Variants in PCDHGA11 observed in about 807,000 individuals in gnomAD.
PCDHGA11 encodes the protein protocadherin gamma-A11.
A neutral mutation model predicts 60.4 loss-of-function variants in PCDHGA11; 39 were observed. The ratio of observed to expected loss-of-function variants is 0.65; its 90% CI spans 0.50 to 0.84. The LOEUF (loss-of-function observed/expected upper bound fraction) is 0.84. Among genes scored for constraint, PCDHGA11 ranks in the 40% least tolerant of loss-of-function variants. The pLI is 0.00. For missense variants in PCDHGA11, 1,165 were observed against 1,197.7 expected (o/e 0.97, Z 0.40); for synonymous variants, 533 against 510.3 (o/e 1.04, Z -0.60).
At chr5:141,459,693 C>A (rs1014443574) in intron 1 of PCDHGA11, among the ~76,000 whole-genome samples, 1 of 152,210 alleles carries the variant, frequency 6.6e-6, no homozygotes, top group African/African-American at 2.4e-5. Flanking sequence ...AAGCGTTCCG[C>A]TTGCTACATT....
At chr5:141,458,459 A>G (rs1232004043) in intron 1 of PCDHGA11, among the ~76,000 whole-genome samples, 1 of 152,006 alleles carries the variant, frequency 6.6e-6, no homozygotes, top group African/African-American at 2.4e-5. Flanking sequence ...AATTTTTAAA[A>G]TACCGTACAA....
chr5:141,476,158 G>A lies in PCDHGA11; in HGVS notation c.2434-18649G>A. 2 of 1,612,868 alleles carry A rather than the reference G, an allele frequency of 1.2e-6. No homozygotes were observed. Among genetic ancestry groups the A allele is most frequent in the Non-Finnish European group, 1.7e-6 (2 of 1,179,894 alleles). On this transcript the variant is annotated intron_variant, in intron 1 of 3. Transcript: ENST00000398587. The surrounding 1 kb of genome is among the most constrained non-coding windows in gnomAD (Gnocchi z 7.6). ...GGAGGAGCGGACTGGTAAGCACCGGGAGGGTAGTGGGAGTTTTGCTTCTGC... is the reference window on the plus strand; with the variant it reads ...GGAGGAGCGGACTGGTAAGCACCGGAAGGGTAGTGGGAGTTTTGCTTCTGC...
Position 141,423,228 on chromosome 5 carries a change from CA to C in PCDHGA11, c.2002del (p.Ser668AlafsTer75). On this transcript the variant is annotated frameshift_variant, in exon 1 of 4. Coordinates refer to ENST00000398587, the MANE Select transcript of PCDHGA11 (RefSeq NM_018914.3). LOFTEE classifies it high-confidence loss of function. ...TCACGCTCACCGTGGCTGTGGCCGA[CA>C]GCATCCCCGAAGTCCTGGCGGACCT... ...TVTLTVAVADSIPEVLADLGS... is the reference protein window; with the variant it reads ...TVTLTVAVADXIPEVLADLGS... 1 of 1,613,866 alleles carries C rather than the reference CA, an allele frequency of 6.2e-7. No homozygotes were observed. Among genetic ancestry groups the C allele is most frequent in the Non-Finnish European group, 8.5e-7 (1 of 1,180,032 alleles).
At chr5:141,436,910 TGTGA>T (rs1332506247) in intron 1 of PCDHGA11, among the ~76,000 whole-genome samples, 1 of 152,228 alleles carries the variant, frequency 6.6e-6, no homozygotes, top group Non-Finnish European at 1.5e-5. Flanking sequence ...GAGACAATTT[TGTGA>T]GTGTTACTTT....
Position 141,511,065 on chromosome 5 carries a change from C to T in PCDHGA11, c.2700C>T (p.Ile900=). Residue 900 remains isoleucine, a synonymous_variant, in exon 4 of 4, where the codon ATC becomes ATT. Transcript: ENST00000398587. ...HVPDYRQNVY[I]PGSNATLTNA... ...CCGACTACCGCCAGAATGTCTACATCCCAGGCAGCAATGCCACACTGACCA... is the reference window on the plus strand; with the variant it reads ...CCGACTACCGCCAGAATGTCTACATTCCAGGCAGCAATGCCACACTGACCA... The T allele has an allele frequency of 6.2e-7, 1 of 1,614,222 alleles. No individual in the cohort carries two copies. Among genetic ancestry groups the T allele is most frequent in the Middle Eastern group, 1.6e-4 (1 of 6,062 alleles).
intron 1 of PCDHGA11, chr5:141,478,906 C>T: frequency 1.1e-6 from 1 of 906,534 alleles, no homozygotes; most frequent in Non-Finnish European, 1.6e-6. Context: ...GAATAAGCTG[C>T]TGGATACCTC....
In PCDHGA11 at chr5:141,485,576, C is replaced by T. The variant is rs1347032247; in HGVS notation, c.2434-9231C>T. ...GAATGATCACGCCCCCCGTTTTCCG[C>T]GGCAGCAGCTGGACTTGGAAATTGG... On this transcript the variant is annotated intron_variant, in intron 1 of 3. Transcript: ENST00000398587. The surrounding 1 kb of genome is among the most constrained non-coding windows in gnomAD (Gnocchi z 5.7). 21 of 1,612,296 alleles carry T rather than the reference C, an allele frequency of 1.3e-5. 1 individual carries two copies. Among genetic ancestry groups the T allele is most frequent in the Non-Finnish European group, 1.8e-5 (21 of 1,178,636 alleles).
chr5:141,478,607 A>T (rs892000536), intron 1 of PCDHGA11: 1 of 1,560,800 alleles, frequency 6.4e-7, no homozygotes, highest in Non-Finnish European at 8.7e-7. Context: ...CATCATATTG[A>T]GGAAGGAATG....
At chr5:141,510,450 T>G (rs1273211856) in intron 3 of PCDHGA11, among the ~76,000 whole-genome samples, 1 of 151,946 alleles carries the variant, frequency 6.6e-6, no homozygotes, top group Non-Finnish European at 1.5e-5. Flanking sequence ...CAGGAGCCCA[T>G]GGTCTAGTGT....
At position 141,473,311 on chromosome 5, in the gene PCDHGA11, A is replaced by G. The variant is rs139053997; in HGVS notation, c.2434-21496A>G. On this transcript the variant is annotated intron_variant, in intron 1 of 3. Coordinates refer to ENST00000398587, the MANE Select transcript of PCDHGA11 (RefSeq NM_018914.3). ...TCAGTAGCATAAAGATTGCTATATTAATAAGCATTAAGTGCCTGCTGTGCT... is the reference window on the plus strand; with the variant it reads ...TCAGTAGCATAAAGATTGCTATATTGATAAGCATTAAGTGCCTGCTGTGCT... Among the ~76,000 whole-genome samples, 1,321 of 152,342 alleles carry G rather than the reference A, an allele frequency of 8.7e-3. 28 individuals carry two copies. Among genetic ancestry groups the G allele is most frequent in the African/African-American group, 0.03 (1,236 of 41,582 alleles).
intron 1 of PCDHGA11, chr5:141,427,677 C>G: frequency 1.2e-6 from 1 of 816,672 alleles, no homozygotes; most frequent in Non-Finnish European, 2.1e-6. Context: ...AAACAACCTT[C>G]CCGGAGCCTC....
intron 1 of PCDHGA11, chr5:141,441,910 G>A: frequency 2.9e-6 from 1 of 349,440 alleles, no homozygotes; most frequent in Non-Finnish European, 5.5e-6. Flanking sequence ...AGACGCAGAT[G>A]TGAGACACAA....
rs1254680765 is a variant in PCDHGA11 at position 141,491,399 on chromosome 5, A to G, written c.2434-3408A>G. ...CTGTCAGCGAAGTGCCTTCAGGGAA[A>G]CGCAGACGGGGACGGGGGTGGAGGG... On this transcript the variant is annotated intron_variant, in intron 1 of 3. Transcript: ENST00000398587. This position sits in a 1 kb window ranked among gnomAD's most constrained non-coding sequence, Gnocchi z 6.9. 3 of 1,613,998 alleles carry G rather than the reference A, an allele frequency of 1.9e-6. No homozygotes were observed. Among genetic ancestry groups the G allele is most frequent in the Non-Finnish European group, 2.5e-6 (3 of 1,180,028 alleles).
intron 1 of PCDHGA11, among the ~76,000 whole-genome samples, chr5:141,437,236 C>A (rs2154557405): frequency 6.6e-6 from 1 of 152,278 alleles, no homozygotes; most frequent in South Asian, 2.1e-4. Context: ...AAAATTATGT[C>A]AAGGACTTTC....
At chr5:141,456,215 C>T (rs1465130067) in intron 1 of PCDHGA11, among the ~76,000 whole-genome samples, 2 of 152,048 alleles carry the variant, frequency 1.3e-5, no homozygotes, top group African/African-American at 2.4e-5. Flanking sequence ...CTCCCTGTGG[C>T]GATATCAAAC....
At chr5:141,500,215 T>G (rs888740312) in intron 2 of PCDHGA11, among the ~76,000 whole-genome samples, 8 of 150,660 alleles carry the variant, frequency 5.3e-5, no homozygotes, top group African/African-American at 1.9e-4. Context: ...TTTATTTATT[T>G]ATTTATTTAT....
At position 141,431,337 on chromosome 5, in the gene PCDHGA11, A is replaced by C. The variant is rs1412811147; in HGVS notation, c.2433+7677A>C. On this transcript the variant is annotated intron_variant, in intron 1 of 3. Coordinates refer to ENST00000398587, the MANE Select transcript of PCDHGA11 (RefSeq NM_018914.3). The surrounding 1 kb of genome is among the most constrained non-coding windows in gnomAD (Gnocchi z 4.8). ...GGAGCCGACGGTAGTAAGTACCCCG[A>C]ATTGGTGCTGAAACGCGCCCTGGAC... 6.2e-7 allele frequency: 1 copy of C among 1,613,926 alleles called. No homozygotes were observed. The highest frequency in any genetic ancestry group is 1.7e-5 in the Admixed American group (1 of 60,006).
chr5:141,495,833 G>A (rs559689667), intron 2 of PCDHGA11, among the ~76,000 whole-genome samples: 3 of 151,876 alleles, frequency 2.0e-5, no homozygotes, highest in African/African-American at 4.8e-5. Context: ...TCTATCCCCA[G>A]CCTCTATGTT....
Position 141,450,950 on chromosome 5 carries a change from A to G in PCDHGA11, c.2433+27290A>G, listed in dbSNP as rs1176916120. ...AGCAATTCTCCTACCTCAGCCTCCCAAGTAGCTGGGATTACAGGCATGTGC... is the reference window on the plus strand; with the variant it reads ...AGCAATTCTCCTACCTCAGCCTCCCGAGTAGCTGGGATTACAGGCATGTGC... On this transcript the variant is annotated intron_variant, in intron 1 of 3. Coordinates refer to ENST00000398587, the MANE Select transcript of PCDHGA11 (RefSeq NM_018914.3). Among the ~76,000 whole-genome samples, 9 of 150,714 alleles carry G rather than the reference A, an allele frequency of 6.0e-5. No individual in the cohort carries two copies. In the East Asian group the frequency reaches 1.6e-3, roughly 26 times the overall value.
Sources: gnomAD v4.1 joint callset for allele counts (sites outside exome capture counted in the v4.1 genomes callset) on GRCh38, gnomAD v4.1.1 for gene constraint, Gnocchi (gnomAD v3.1) non-coding constraint, MANE v1.5 for transcripts, NCBI Gene and HGNC (gene_info 2026-07-23, HGNC 2026-07-21) for gene names.